GABRG2: variants seen among roughly 807,000 people sequenced by gnomAD.
The protein encoded by GABRG2 is gamma-aminobutyric acid receptor subunit gamma-2.
GABRG2 carries 16 observed loss-of-function variants against 56.4 expected under a neutral mutation model. The observed-to-expected ratio is 0.28, with a 90% CI of 0.19 to 0.43. The LOEUF is 0.43. GABRG2 is among the 20% of genes least tolerant of loss of function. The pLI, the probability that GABRG2 is intolerant of heterozygous loss-of-function variation, is 1.00. For synonymous variants in GABRG2, 208 were observed against 205.5 expected, an observed-to-expected ratio of 1.01 and a Z score of -0.10; for missense variants, 327 against 582.7, an observed-to-expected ratio of 0.56 and a Z score of 4.52.
chr5:162,103,545 G>A (rs1761591205), intron 5 of GABRG2: 2 of 261,376 alleles, frequency 7.7e-6, no homozygotes. Context: ...ACAAGACTTT[G>A]TATTTCTACT....
intron 9 of GABRG2, 41 bp downstream of exon 9, chr5:162,151,794 CTAAATT>C: frequency 6.6e-7 from 1 of 1,520,558 alleles, no homozygotes; most frequent in Non-Finnish European, 9.1e-7. Context: ...CATGCAACTG[CTAAATT>C]TAACTATTAA....
In GABRG2 at chr5:162,151,817, C is replaced by T. The variant is rs562167622; in HGVS notation, c.1152+64C>T. ...TGCTAAATTTAACTATTAATGCTTACATGGTGTTTTATTTTGTTTTATGAG... is the reference window on the plus strand; with the variant it reads ...TGCTAAATTTAACTATTAATGCTTATATGGTGTTTTATTTTGTTTTATGAG... On this transcript the variant is annotated intron_variant, in intron 9 of 9. Coordinates refer to ENST00000639213, the MANE Select transcript of GABRG2 (RefSeq NM_198904.4). The T allele has an allele frequency of 1.0e-5, 14 of 1,386,976 alleles. 1 individual carries two copies. In the Admixed American group the frequency reaches 2.3e-4, roughly 22 times the overall value. The allele number at this position is 1,386,976 out of a possible 1,614,324, so 85.9% of individuals were successfully genotyped here.
intron 7 of GABRG2, chr5:162,142,999 T>G (rs1255216398): frequency 6.6e-6 from 1 of 152,346 alleles, no homozygotes; most frequent in Non-Finnish European, 1.5e-5. Context: ...TTTAGTTAAC[T>G]ATTTTTTAAA....
intron 1 of GABRG2, among the ~76,000 whole-genome samples, chr5:162,089,898 T>A (rs1760425182): frequency 6.6e-6 from 1 of 152,132 alleles, no homozygotes; most frequent in African/African-American, 2.4e-5. Flanking sequence ...GGTGGAAATT[T>A]AAAATTCCAG....
At chr5:162,127,778 G>A (rs181945904) in intron 6 of GABRG2, among the ~76,000 whole-genome samples, 2 of 152,116 alleles carry the variant, frequency 1.3e-5, no homozygotes, top group East Asian at 3.9e-4. Flanking sequence ...CAAAGGAAGG[G>A]AATGCAACAC....
chr5:162,115,350 T>C (rs1762543751), intron 6 of GABRG2, among the ~76,000 whole-genome samples: 1 of 152,194 alleles, frequency 6.6e-6, no homozygotes, highest in African/African-American at 2.4e-5. Flanking sequence ...ATGGTGGGTA[T>C]TTGCGTTCTC....
intron 6 of GABRG2, among the ~76,000 whole-genome samples, chr5:162,107,130 C>T (rs947486214): frequency 6.6e-6 from 1 of 152,066 alleles, no homozygotes; most frequent in Non-Finnish European, 1.5e-5. Flanking sequence ...CCTGTATCAG[C>T]TTGATAGGGG....
In GABRG2 at chr5:162,109,540, T is replaced by G. The variant is rs909090255; in HGVS notation, c.769+5514T>G. Among the ~76,000 whole-genome samples, 3 of 151,324 alleles carry G rather than the reference T, an allele frequency of 2.0e-5. No individual in the cohort carries two copies. The East Asian group carries it at 5.8e-4, about 29-fold the overall frequency. On this transcript the variant is annotated intron_variant, in intron 6 of 9. Coordinates refer to ENST00000639213, the MANE Select transcript of GABRG2 (RefSeq NM_198904.4). ...AAGCTTCACAACAGAAACCTTCTTT[T>G]AATCATCTCTAAGCCAGTCACCAGA...
At chr5:162,142,541 C>T in intron 7 of GABRG2, 1 of 461,272 alleles carries the variant, frequency 2.2e-6, no homozygotes, top group Non-Finnish European at 4.1e-6. Flanking sequence ...AAATGTGGCA[C>T]ATATACACCA....
At position 162,153,329 on chromosome 5, in the gene GABRG2, G is replaced by A. The variant is rs765904792; in HGVS notation, c.1389G>A (p.Leu463=). The part of the protein sequence containing the change: ...ARIFFPTAFC[L]FNLVYWVSYL... ...TCTTCTTCCCCACTGCCTTCTGCCT[G>A]TTTAATCTGGTCTATTGGGTCTCCT... Residue 463 remains leucine, a synonymous_variant, in exon 10 of 10, where the codon CTG becomes CTA. Transcript: ENST00000639213. The A allele has an allele frequency of 2.5e-6, 4 of 1,613,852 alleles. No individual in the cohort carries two copies. The Admixed American group carries it at 5.0e-5, about 20-fold the overall frequency.
In GABRG2 at chr5:162,142,237, C is replaced by T. The variant is rs749127891; in HGVS notation, c.843C>T (p.Ile281=). ...GATACTTTACCATCCAGACCTATAT[C>T]CCCTGCACACTCATTGTCGTCCTAT... ...RMGYFTIQTY[I]PCTLIVVLSW... Residue 281 remains isoleucine (I), a synonymous_variant, in exon 7 of 10, where the codon ATC becomes ATT. Coordinates refer to ENST00000639213, the MANE Select transcript of GABRG2 (RefSeq NM_198904.4). The T allele has an allele frequency of 6.2e-7, 1 of 1,613,868 alleles. No homozygotes were observed. Among genetic ancestry groups the T allele is most frequent in the African/African-American group, 1.3e-5 (1 of 74,904 alleles).
chr5:162,149,600 G>T, intron 8 of GABRG2: 2 of 738,182 alleles, frequency 2.7e-6, no homozygotes, highest in Non-Finnish European at 5.0e-6. Flanking sequence ...CCTTCTTCTT[G>T]TTGCTATTAT....
Position 162,151,734 on chromosome 5 carries a change from T to C in GABRG2, c.1133T>C (p.Leu378Pro). 6.2e-7 allele frequency: 1 copy of C among 1,611,676 alleles called. No individual in the cohort carries two copies. The highest frequency in any genetic ancestry group is 8.5e-7 in the Non-Finnish European group (1 of 1,178,706). The change falls in exon 9 of 10, where the codon CTT becomes CCT. Residue 378 changes from leucine to proline, a missense_variant. By Grantham distance (98) the Leu-to-Pro change is moderately conservative. Transcript: ENST00000639213. ...DKDKKKKNPL[L>P]RMFSFKAPTI... ...TTTCTGTCTACAAACCCAAAGCTTC[T>C]TCGGATGTTTTCCTTCAAGGTATAA... is the stretch of plus-strand genomic sequence containing the variant.
intron 6 of GABRG2, among the ~76,000 whole-genome samples, chr5:162,121,350 T>G (rs535810283): frequency 6.6e-6 from 1 of 152,238 alleles, no homozygotes; most frequent in East Asian, 1.9e-4. Context: ...AGAAAGAATG[T>G]TTACACTTGA....
At chr5:162,082,715 C>G (rs1470274677) in intron 1 of GABRG2, among the ~76,000 whole-genome samples, 2 of 151,412 alleles carry the variant, frequency 1.3e-5, no homozygotes, top group Non-Finnish European at 3.0e-5. Context: ...TTCATAATTC[C>G]TAGTTATGTA....
At chr5:162,093,229 AC>A (rs1760741495) in intron 1 of GABRG2, among the ~76,000 whole-genome samples, 1 of 152,146 alleles carries the variant, frequency 6.6e-6, no homozygotes, top group Non-Finnish European at 1.5e-5. Flanking sequence ...GTTCTTAACA[AC>A]CAAAGATAAA....
intron 2 of GABRG2, chr5:162,094,467 T>C (rs2113301867): frequency 5.9e-6 from 1 of 168,540 alleles, no homozygotes; most frequent in East Asian, 1.7e-4. Flanking sequence ...AACTGTACTT[T>C]ACGTGTTCCT....
chr5:162,091,357 G>A (rs1207814094), intron 1 of GABRG2, among the ~76,000 whole-genome samples: 3 of 151,866 alleles, frequency 2.0e-5, no homozygotes, highest in African/African-American at 4.8e-5. Context: ...TATAATAATT[G>A]TCATGGACTT....
intron 1 of GABRG2, among the ~76,000 whole-genome samples, chr5:162,074,870 A>G (rs1032611345): frequency 2.0e-5 from 3 of 152,050 alleles, no homozygotes; most frequent in African/African-American, 7.2e-5. Flanking sequence ...AGAGGTTGTA[A>G]AAGTTTTTGT....
Sources: allele counts gnomAD v4.1 joint callset (sites outside exome capture counted in the v4.1 genomes callset), GRCh38; gene constraint gnomAD v4.1.1; transcripts MANE v1.5; gene names NCBI Gene and HGNC (gene_info 2026-07-23, HGNC 2026-07-21).